FRAS1: variants seen among roughly 807,000 people sequenced by gnomAD.
FRAS1 encodes Fraser extracellular matrix complex subunit 1, also known as extracellular matrix organizing protein FRAS1.
In FRAS1, 290 loss-of-function variants were observed where a neutral mutation model predicts 435.2. That is an observed-to-expected ratio of 0.67 (90% CI 0.61 to 0.73). The LOEUF (loss-of-function observed/expected upper bound fraction) is 0.73, where lower values mean the gene tolerates loss of function less well. FRAS1 is among the 30% of genes least tolerant of loss of function. The pLI is 0.00. For missense variants in FRAS1, 4,860 were observed against 5,001.5 expected (o/e 0.97, Z 0.85); for synonymous variants, 1,800 against 1,851.0 (o/e 0.97, Z 0.71).
Position 78,057,673 on chromosome 4 carries a change from G to T in FRAS1, c.-337G>T. Reference sequence around the variant, plus strand: ...GAGGGAAATGCTGGAAGATCCCATCGGCCAGTGACCAGCAACTTTCCGGCG... The same window carrying T: ...GAGGGAAATGCTGGAAGATCCCATCTGCCAGTGACCAGCAACTTTCCGGCG... On this transcript the variant is annotated 5_prime_UTR_variant, in exon 1 of 74. Coordinates refer to ENST00000512123, the MANE Select transcript of FRAS1 (RefSeq NM_025074.7). This position sits in a 1 kb window ranked among gnomAD's most constrained non-coding sequence, Gnocchi z 4.2. 1 of 375,392 alleles carries T rather than the reference G, an allele frequency of 2.7e-6. No homozygotes were observed. The highest frequency in any genetic ancestry group is 4.8e-6 in the Non-Finnish European group (1 of 206,350). 23.3% of individuals were successfully genotyped at this position (375,392 alleles called of 1,614,324 possible).
chr4:78,512,565 T>G (rs1418176639), intron 64 of FRAS1, among the ~76,000 whole-genome samples: 4 of 152,230 alleles, frequency 2.6e-5, no homozygotes, highest in Admixed American at 2.6e-4. Context: ...TTAACCAATA[T>G]TTATTAAACT....
intron 2 of FRAS1, among the ~76,000 whole-genome samples, chr4:78,119,065 A>C (rs1718857940): frequency 6.6e-6 from 1 of 152,106 alleles, no homozygotes; most frequent in South Asian, 2.1e-4. Context: ...ATGTTCTTTT[A>C]AAAAAATAAT....
chr4:78,184,640 A>T (rs1296441242), intron 2 of FRAS1, among the ~76,000 whole-genome samples: 2 of 152,226 alleles, frequency 1.3e-5, no homozygotes, highest in Non-Finnish European at 2.9e-5. Flanking sequence ...ACCCCTGGGC[A>T]TGAGCTGAAG....
At chr4:78,112,270 T>A (rs933042022) in intron 2 of FRAS1, among the ~76,000 whole-genome samples, 3 of 152,086 alleles carry the variant, frequency 2.0e-5, no homozygotes, top group Non-Finnish European at 4.4e-5. Flanking sequence ...CTGAAAAAAA[T>A]GAATAAATCA....
At chr4:78,221,638 G>T (rs1017103591) in intron 2 of FRAS1, among the ~76,000 whole-genome samples, 1 of 152,146 alleles carries the variant, frequency 6.6e-6, no homozygotes, top group African/African-American at 2.4e-5. Flanking sequence ...TGCATTGTGT[G>T]GCTCACCGTC....
chr4:78,378,415 G>A (rs954928148), intron 26 of FRAS1, among the ~76,000 whole-genome samples: 7 of 152,096 alleles, frequency 4.6e-5, no homozygotes, highest in Non-Finnish European at 1.0e-4. Flanking sequence ...GTGGACAAAT[G>A]TTTTCAATTC....
At chr4:78,500,032 A>G in intron 61 of FRAS1, 111 bp downstream of exon 61, 1 of 816,854 alleles carries the variant, frequency 1.2e-6, no homozygotes, top group Non-Finnish European at 1.8e-6. Flanking sequence ...AGTAGTTCCA[A>G]TAGCTAAAGC....
At chr4:78,173,957 T>G (rs182229417) in intron 2 of FRAS1, among the ~76,000 whole-genome samples, 46 of 152,366 alleles carry the variant, frequency 3.0e-4, no homozygotes, top group African/African-American at 1.1e-3. Context: ...CATCAGTTAC[T>G]GTGTGCATTC....
intron 15 of FRAS1, among the ~76,000 whole-genome samples, chr4:78,312,754 C>A (rs1729076736): frequency 6.6e-6 from 1 of 151,704 alleles, no homozygotes; most frequent in African/African-American, 2.4e-5. Flanking sequence ...ATCACTTGAG[C>A]CTGAGAGATT....
rs148325918 is a variant in FRAS1, at chr4:78,532,307, C to T, written c.10926-2142C>T. Among the ~76,000 whole-genome samples the T allele has an allele frequency of 1.8e-3, 271 of 152,304 alleles. 1 individual carries two copies. The highest frequency in any genetic ancestry group is 6.1e-3 in the African/African-American group (253 of 41,560). On this transcript the variant is annotated intron_variant, in intron 70 of 73. Transcript: ENST00000512123. The stretch of plus-strand genomic sequence containing the variant: ...GGAGGGCTTCCTCTCCACATAGCCG[C>T]ATGTCTTACTCCATTGCCTGCTTCA...
At chr4:78,226,866 G>GT (rs1225902787) in intron 2 of FRAS1, among the ~76,000 whole-genome samples, 8 of 151,814 alleles carry the variant, frequency 5.3e-5, no homozygotes, top group Non-Finnish European at 7.4e-5. Context: ...TCTTTTCTGT[G>GT]TTTTTTATCC....
At chr4:78,386,210 G>T (rs1732212900) in intron 28 of FRAS1, among the ~76,000 whole-genome samples, 2 of 151,960 alleles carry the variant, frequency 1.3e-5, no homozygotes, top group African/African-American at 4.8e-5. Flanking sequence ...CTTTAAAATG[G>T]AATTTTAGAA....
At chr4:78,263,484 C>G (rs1378238) in intron 6 of FRAS1, among the ~76,000 whole-genome samples, 143,970 of 152,282 alleles carry the variant, frequency 0.95, 68,453 homozygotes, top group Non-Finnish European at 1. Context: ...CTCCACGTTG[C>G]TTAAGATAGA....
At chr4:78,238,881 G>A (rs1315372065) in intron 3 of FRAS1, among the ~76,000 whole-genome samples, 1 of 152,074 alleles carries the variant, frequency 6.6e-6, no homozygotes, top group Admixed American at 6.5e-5. Context: ...ACTAAATCTG[G>A]CCCACTGCCT....
intron 14 of FRAS1, among the ~76,000 whole-genome samples, chr4:78,302,000 C>A (rs1409581045): frequency 3.3e-5 from 5 of 151,792 alleles, no homozygotes; most frequent in Non-Finnish European, 5.9e-5. Flanking sequence ...GCTATCCCTC[C>A]CCACTCCCCC....
chr4:78,139,161 C>A (rs17002965), intron 2 of FRAS1, among the ~76,000 whole-genome samples: 6,221 of 152,248 alleles, frequency 0.041, 223 homozygotes, highest in Admixed American at 0.08. Context: ...GTCAGGCAGT[C>A]ACTAATGGTG....
chr4:78,323,803 C>T (rs1392604027), intron 18 of FRAS1, among the ~76,000 whole-genome samples: 2 of 152,154 alleles, frequency 1.3e-5, no homozygotes, highest in African/African-American at 4.8e-5. Flanking sequence ...TTGCTCAGCT[C>T]AGCCTCTGAT....
chr4:78,420,882 A>ATATG (rs1479708120), intron 33 of FRAS1, among the ~76,000 whole-genome samples: 1 of 25,542 alleles, frequency 3.9e-5, no homozygotes, highest in African/African-American at 1.9e-4. Flanking sequence ...AATAGGACAT[A>ATATG]TATATATATA....
At chr4:78,196,604 CT>C (rs10715001) in intron 2 of FRAS1, among the ~76,000 whole-genome samples, 143,257 of 150,720 alleles carry the variant, frequency 0.95, 68,471 homozygotes, top group East Asian at 1. Flanking sequence ...ATTTAGATAA[CT>C]TTTTTTTTTT....
Sources: allele counts gnomAD v4.1 joint callset (sites outside exome capture counted in the v4.1 genomes callset), GRCh38; gene constraint gnomAD v4.1.1; non-coding constraint Gnocchi (gnomAD v3.1); transcripts MANE v1.5; gene names NCBI Gene and HGNC (gene_info 2026-07-23, HGNC 2026-07-21).